GAL3ST1: variants seen among roughly 807,000 people sequenced by gnomAD.
GAL3ST1 encodes galactosylceramide sulfotransferase.
GAL3ST1 carries 13 observed loss-of-function variants against 25.0 expected under a neutral mutation model. That is an observed-to-expected ratio of 0.52 (90% confidence interval 0.34 to 0.83). The LOEUF is 0.83. GAL3ST1 is among the 40% of genes least tolerant of loss of function. The probability of loss-of-function intolerance (pLI) is 0.02; values close to 1 mark genes in which losing one functional copy is unlikely to be tolerated. For synonymous variants in GAL3ST1, 274 were observed against 277.8 expected (o/e 0.99, Z 0.14); for missense variants, 474 against 613.6 (o/e 0.77, Z 2.40).
chr22:30,559,839 C>G (rs1197733867), intron 1 of GAL3ST1, among the ~76,000 whole-genome samples: 3 of 152,360 alleles, frequency 2.0e-5, no homozygotes, highest in Non-Finnish European at 4.4e-5. Context: ...GCTGCAAAAC[C>G]AGGTCCCCAA....
rs145255306 is a variant in GAL3ST1 at position 30,556,032 on chromosome 22, C to A, written c.193G>T (p.Ala65Ser). The change falls in exon 4 of 4, where the codon GCC becomes TCC. Residue 65 changes from alanine to serine, a missense_variant. Physicochemically the swap from Ala to Ser is moderately conservative, Grantham distance 99. Coordinates refer to ENST00000406361, the MANE Select transcript of GAL3ST1 (RefSeq NM_001318104.2). ...PALEPEAVIR[A>S]NGSAGECQPR... ...TGGCACTCCCCCGCCGAGCCGTTGG[C>A]CCGGATCACTGCCTCTGGCTCGAGT... 1.2e-6 allele frequency: 2 copies of A among 1,612,834 alleles called. No individual in the cohort carries two copies. The highest frequency in any genetic ancestry group is 2.2e-5 in the East Asian group (1 of 44,872).
intron 1 of GAL3ST1, among the ~76,000 whole-genome samples, chr22:30,566,940 C>A (rs2086644406): frequency 1.3e-5 from 2 of 151,930 alleles, no homozygotes; most frequent in Non-Finnish European, 2.9e-5. Context: ...TCTACCCCCA[C>A]CCCCAGGAAA....
In GAL3ST1 at chr22:30,557,598, C is replaced by T. The variant is rs114519146; in HGVS notation, c.-9-197G>A. On this transcript the variant is annotated intron_variant, in intron 2 of 3. Coordinates refer to ENST00000406361, the MANE Select transcript of GAL3ST1 (RefSeq NM_001318104.2). ...AGAGACAGCCCCAGGGTTGCAGAGA[C>T]GGTGGGTGAAGCAACTCAAAGAGAG... 5.0e-3 allele frequency: 2,605 copies of T among 525,328 alleles called. 57 individuals carry two copies. Among genetic ancestry groups the T allele is most frequent in the African/African-American group, 0.043 (2,224 of 51,516 alleles). The allele number at this position is 525,328 out of a possible 1,614,324, so 32.5% of individuals were successfully genotyped here.
intron 1 of GAL3ST1, among the ~76,000 whole-genome samples, chr22:30,567,962 C>T (rs1337328641): frequency 4.6e-5 from 7 of 152,164 alleles, no homozygotes; most frequent in African/African-American, 9.7e-5. Context: ...GGATTACAGA[C>T]GTGAGCCACC....
At chr22:30,567,251 T>C (rs1368492425) in intron 1 of GAL3ST1, among the ~76,000 whole-genome samples, 3 of 152,008 alleles carry the variant, frequency 2.0e-5, no homozygotes, top group Non-Finnish European at 4.4e-5. Flanking sequence ...TGGCCATATA[T>C]TTATATAGAT....
In GAL3ST1 at chr22:30,554,961, G is replaced by T; in HGVS notation, c.1264C>A (p.Arg422=). ...KLWKFIRDFL[R]W is the part of the protein sequence containing the mutation. ...CGCTGGGCGGTGGGACGTCACCACC[G>T]CAGGAAATCGCGAATGAACTTCCAG... is the stretch of plus-strand genomic sequence containing the variant. Residue 422 remains arginine, a synonymous_variant, in exon 4 of 4, where the codon CGG becomes AGG. Transcript: ENST00000406361. 2 of 1,562,740 alleles carry T rather than the reference G, an allele frequency of 1.3e-6. No homozygotes were observed. The highest frequency in any genetic ancestry group is 1.7e-6 in the Non-Finnish European group (2 of 1,148,200).
chr22:30,557,694 C>A, intron 2 of GAL3ST1: 1 of 295,454 alleles, frequency 3.4e-6, no homozygotes, highest in East Asian at 5.7e-5. Flanking sequence ...ACCAGGGCCC[C>A]AAACTTTCCA....
chr22:30,558,775 A>G (rs149948771), intron 1 of GAL3ST1, among the ~76,000 whole-genome samples: 1 of 152,378 alleles, frequency 6.6e-6, no homozygotes, highest in East Asian at 1.9e-4. Context: ...AGGGTTGCTC[A>G]GTTAAATTCA....
At chr22:30,566,113 C>G (rs1250396869) in intron 1 of GAL3ST1, 1 of 152,322 alleles carries the variant, frequency 6.6e-6, no homozygotes, top group Non-Finnish European at 1.5e-5. Flanking sequence ...CCACGAAACA[C>G]CAGAGCTTAA....
At chr22:30,557,025 G>A (rs112346144) in intron 3 of GAL3ST1, among the ~76,000 whole-genome samples, 2,813 of 152,322 alleles carry the variant, frequency 0.018, 52 homozygotes, top group Middle Eastern at 0.048. Flanking sequence ...GTGAGTTGCC[G>A]TGCCCAGCCG....
At chr22:30,564,027 T>C (rs752566138) in intron 1 of GAL3ST1, among the ~76,000 whole-genome samples, 48 of 152,278 alleles carry the variant, frequency 3.2e-4, no homozygotes, top group Non-Finnish European at 5.6e-4. Flanking sequence ...TCTCATTACA[T>C]ATATGCATAT....
intron 1 of GAL3ST1, among the ~76,000 whole-genome samples, chr22:30,561,455 C>T (rs1158824202): frequency 6.6e-6 from 1 of 152,206 alleles, no homozygotes; most frequent in Non-Finnish European, 1.5e-5. Context: ...CTGCTGTCAC[C>T]CCCATTTGGT....
chr22:30,562,152 T>C (rs1362958052), intron 1 of GAL3ST1, among the ~76,000 whole-genome samples: 2 of 152,114 alleles, frequency 1.3e-5, no homozygotes, highest in African/African-American at 4.8e-5. Context: ...CTGGGCTCAG[T>C]GGATCTTCTT....
chr22:30,560,152 G>A (rs1314532650), intron 1 of GAL3ST1: 1 of 152,144 alleles, frequency 6.6e-6, no homozygotes, highest in Non-Finnish European at 1.5e-5. Context: ...TCAAAAAAAG[G>A]CAATAATTGT....
intron 1 of GAL3ST1, among the ~76,000 whole-genome samples, chr22:30,562,047 G>C (rs1311365644): frequency 6.6e-6 from 1 of 152,134 alleles, no homozygotes; most frequent in Non-Finnish European, 1.5e-5. Flanking sequence ...CAGTCACTAG[G>C]CTATGAGATA....
intron 1 of GAL3ST1, among the ~76,000 whole-genome samples, chr22:30,559,248 T>G (rs2086228813): frequency 6.6e-6 from 1 of 152,226 alleles, no homozygotes; most frequent in South Asian, 2.1e-4. Context: ...TATATGTTTA[T>G]TTTATTTTTT....
chr22:30,571,393 G>A (rs769677851), intron 1 of GAL3ST1, among the ~76,000 whole-genome samples: 7 of 152,166 alleles, frequency 4.6e-5, no homozygotes, highest in African/African-American at 4.8e-5. Flanking sequence ...ATCCCAACTC[G>A]CTGGCTCAGA....
intron 1 of GAL3ST1, chr22:30,565,164 C>T (rs376025048): frequency 2.6e-5 from 4 of 152,380 alleles, no homozygotes; most frequent in African/African-American, 4.8e-5. Context: ...ACACAGCAAC[C>T]GCAGACGCCT....
chr22:30,570,669 G>C (rs2086753580), intron 1 of GAL3ST1, among the ~76,000 whole-genome samples: 1 of 152,118 alleles, frequency 6.6e-6, no homozygotes, highest in African/African-American at 2.4e-5. Flanking sequence ...GGTGGCGCAT[G>C]CCTTTAATCC....
Sources: allele counts gnomAD v4.1 joint callset (sites outside exome capture counted in the v4.1 genomes callset), GRCh38; gene constraint gnomAD v4.1.1; transcripts MANE v1.5; gene names NCBI Gene and HGNC (gene_info 2026-07-23, HGNC 2026-07-21).